The following ANKIB1 variants were observed in gnomAD, a reference collection of about 807,000 sequenced individuals.
The protein encoded by ANKIB1 is ankyrin repeat and IBR domain-containing protein 1.
ANKIB1 carries 43 observed loss-of-function variants against 122.1 expected under a neutral mutation model. The ratio of observed to expected loss-of-function variants is 0.35; its 90% CI spans 0.28 to 0.45. ANKIB1 has a LOEUF of 0.45. Among genes scored for constraint, ANKIB1 ranks in the 20% least tolerant of loss-of-function variants. ANKIB1 has a pLI of 1.00. For missense variants in ANKIB1, 992 were observed against 1,329.5 expected (o/e 0.75, Z 3.95); for synonymous variants, 390 against 442.0 (o/e 0.88, Z 1.48).
intron 1 of ANKIB1, among the ~76,000 whole-genome samples, chr7:92,274,926 C>G (rs945019271): frequency 6.6e-6 from 1 of 151,904 alleles, no homozygotes; most frequent in South Asian, 2.1e-4. Flanking sequence ...GACCCTGTCT[C>G]AAAAAAAATA....
At chr7:92,292,812 C>T (rs1198122634) in intron 1 of ANKIB1, among the ~76,000 whole-genome samples, 1 of 152,110 alleles carries the variant, frequency 6.6e-6, no homozygotes, top group Non-Finnish European at 1.5e-5. Flanking sequence ...CACACAAACA[C>T]ACACATACAC....
rs372057369 is a variant in ANKIB1, at chr7:92,390,345, A to C, written c.2052+229A>C. Among the ~76,000 whole-genome samples the C allele has an allele frequency of 7.2e-5, 11 of 152,280 alleles. No individual in the cohort carries two copies. In the East Asian group the frequency reaches 2.1e-3, roughly 29 times the overall value. ...GTCTGAATGAGTTATGAGTGGTGCAAACATTTCCTGTAGCATTTATGTCTT... is the reference window on the plus strand; with the variant it reads ...GTCTGAATGAGTTATGAGTGGTGCACACATTTCCTGTAGCATTTATGTCTT... On this transcript the variant is annotated intron_variant, in intron 15 of 19. Coordinates refer to ENST00000265742, the MANE Select transcript of ANKIB1 (RefSeq NM_019004.2).
At chr7:92,335,665 G>A (rs1324997444) in intron 5 of ANKIB1, among the ~76,000 whole-genome samples, 1 of 151,636 alleles carries the variant, frequency 6.6e-6, no homozygotes, top group Admixed American at 6.6e-5. Context: ...TACTAATATA[G>A]CACTTTGGCT....
chr7:92,256,967 C>G (rs1334754871), intron 1 of ANKIB1, among the ~76,000 whole-genome samples: 1 of 152,030 alleles, frequency 6.6e-6, no homozygotes. Flanking sequence ...AGGCATGTGG[C>G]TCACCTGAGG....
At chr7:92,372,288 A>G (rs1804285723) in intron 11 of ANKIB1, among the ~76,000 whole-genome samples, 1 of 152,208 alleles carries the variant, frequency 6.6e-6, no homozygotes, top group African/African-American at 2.4e-5. Context: ...ATGCAGTATA[A>G]CAACTATTTA....
At chr7:92,281,690 C>T (rs1211598233) in intron 1 of ANKIB1, among the ~76,000 whole-genome samples, 1 of 152,150 alleles carries the variant, frequency 6.6e-6, no homozygotes, top group Non-Finnish European at 1.5e-5. Context: ...GGGTAATAAA[C>T]AGTACCTAAT....
intron 1 of ANKIB1, among the ~76,000 whole-genome samples, chr7:92,273,851 C>T (rs1212845198): frequency 6.6e-6 from 1 of 151,836 alleles, no homozygotes; most frequent in East Asian, 1.9e-4. Flanking sequence ...AAACTTACTG[C>T]AGCCTTGACC....
At chr7:92,258,074 G>T (rs963734976) in intron 1 of ANKIB1, among the ~76,000 whole-genome samples, 1 of 152,084 alleles carries the variant, frequency 6.6e-6, no homozygotes, top group African/African-American at 2.4e-5. Context: ...ATGATATTCC[G>T]ATTTGAAAAA....
At chr7:92,297,741 C>A (rs909852889) in intron 2 of ANKIB1, among the ~76,000 whole-genome samples, 1 of 151,984 alleles carries the variant, frequency 6.6e-6, no homozygotes, top group Non-Finnish European at 1.5e-5. Flanking sequence ...TTTCAGTGTT[C>A]TTTCTGTCTT....
chr7:92,322,710 A>G (rs1447192754), intron 4 of ANKIB1, among the ~76,000 whole-genome samples: 2 of 152,176 alleles, frequency 1.3e-5, no homozygotes, highest in African/African-American at 4.8e-5. Context: ...CATACAATCT[A>G]CATATTTTAA....
At chr7:92,294,569 T>C (rs1266900771) in intron 1 of ANKIB1, 1 of 242,052 alleles carries the variant, frequency 4.1e-6, no homozygotes, top group Non-Finnish European at 7.8e-6. Context: ...AACCATAAAA[T>C]TCAGTCAAGC....
intron 4 of ANKIB1, among the ~76,000 whole-genome samples, chr7:92,326,918 C>T (rs1184833721): frequency 6.6e-6 from 1 of 152,116 alleles, no homozygotes; most frequent in African/African-American, 2.4e-5. Flanking sequence ...TCAAGTGATC[C>T]TCCTACTTCT....
Position 92,289,249 on chromosome 7 carries a change from TAAGC to T in ANKIB1, c.-90-5636_-90-5633del, listed in dbSNP as rs1417198085. 3.3e-5 allele frequency among the ~76,000 whole-genome samples: 5 copies of T among 152,340 alleles called. No homozygotes were observed. In the South Asian group the frequency reaches 6.2e-4, roughly 19 times the overall value. The stretch of plus-strand genomic sequence containing the variant: ...TCTTAGTGCATTTTGCTTAAAATGT[TAAGC>T]AAGAGCTAAGAAAGATCAAGCTTAA... On this transcript the variant is annotated intron_variant, in intron 1 of 19. Transcript: ENST00000265742.
intron 1 of ANKIB1, among the ~76,000 whole-genome samples, chr7:92,260,379 G>A (rs377376086): frequency 1.3e-5 from 2 of 152,060 alleles, no homozygotes; most frequent in African/African-American, 2.4e-5. Flanking sequence ...TCTTTAGCTC[G>A]TTGATGAAAC....
chr7:92,361,424 G>T (rs1803942307), intron 9 of ANKIB1, among the ~76,000 whole-genome samples: 1 of 152,116 alleles, frequency 6.6e-6, no homozygotes, highest in Non-Finnish European at 1.5e-5. Flanking sequence ...AATGAAGAAG[G>T]TTCATTTGGT....
intron 1 of ANKIB1, among the ~76,000 whole-genome samples, chr7:92,257,202 A>G (rs569245272): frequency 2.1e-4 from 32 of 152,140 alleles, no homozygotes; most frequent in Admixed American, 1.3e-3. Flanking sequence ...GAAAAAAAAA[A>G]AGAGAGAAAA....
intron 4 of ANKIB1, among the ~76,000 whole-genome samples, chr7:92,324,095 T>C (rs914519042): frequency 6.6e-6 from 1 of 152,224 alleles, no homozygotes. Flanking sequence ...TTAATGTTTA[T>C]AGGACTTTCT....
intron 3 of ANKIB1, among the ~76,000 whole-genome samples, chr7:92,317,930 T>C (rs1454437732): frequency 2.0e-5 from 3 of 152,218 alleles, no homozygotes; most frequent in African/African-American, 7.2e-5. Flanking sequence ...AACTTCAAGA[T>C]GGACCCAGAA....
At chr7:92,285,881 G>T (rs1042758078) in intron 1 of ANKIB1, among the ~76,000 whole-genome samples, 2 of 152,186 alleles carry the variant, frequency 1.3e-5, no homozygotes, top group African/African-American at 4.8e-5. Flanking sequence ...CTTATTCCCT[G>T]TGCAGATCCC....
Sources: gnomAD v4.1 joint callset for allele counts (sites outside exome capture counted in the v4.1 genomes callset) on GRCh38, gnomAD v4.1.1 for gene constraint, MANE v1.5 for transcripts, NCBI Gene and HGNC (gene_info 2026-07-23, HGNC 2026-07-21) for gene names.